NEK3: variants seen among roughly 807,000 people sequenced by gnomAD.
NEK3 encodes the protein NIMA related kinase 3.
Under a neutral mutation model 66.0 loss-of-function variants are expected in NEK3, and 54 were observed. The ratio of observed to expected loss-of-function variants is 0.82; its 90% CI spans 0.66 to 1.03. NEK3 has a LOEUF of 1.03. Among genes scored for constraint, NEK3 ranks in the 50% least tolerant of loss-of-function variants. The pLI is 0.00. For missense variants in NEK3, 593 were observed against 603.0 expected (o/e 0.98, Z 0.17); for synonymous variants, 200 against 206.2 (o/e 0.97, Z 0.26).
At chr13:52,149,485 T>C (rs1222199303) in intron 7 of NEK3, among the ~76,000 whole-genome samples, 2 of 152,212 alleles carry the variant, frequency 1.3e-5, no homozygotes, top group Non-Finnish European at 2.9e-5. Flanking sequence ...AGTTGCAATG[T>C]CCACATGCCC....
Position 52,153,883 on chromosome 13 carries a change from T to C in NEK3, c.309+12A>G. ...TAAACCTTGAGAGAAACTATGTAAG[T>C]CAATCTCTTACCATGTCTTCAGGAA... On this transcript the variant is annotated intron_variant, in intron 4 of 15. Coordinates refer to ENST00000610828, the MANE Select transcript of NEK3 (RefSeq NM_002498.3). 6.4e-7 allele frequency: 1 copy of C among 1,564,366 alleles called. No individual in the cohort carries two copies. The highest frequency in any genetic ancestry group is 1.1e-5 in the South Asian group (1 of 89,922).
chr13:52,142,932 T>C (rs1956263378), intron 10 of NEK3, among the ~76,000 whole-genome samples: 1 of 152,222 alleles, frequency 6.6e-6, no homozygotes, highest in Non-Finnish European at 1.5e-5. Flanking sequence ...AAATTAAATT[T>C]GATATTTTCT....
intron 2 of NEK3, among the ~76,000 whole-genome samples, chr13:52,155,699 CAG>C (rs56314690): frequency 0.45 from 67,977 of 151,914 alleles, 17,902 homozygotes; most frequent in Non-Finnish European, 0.59. Flanking sequence ...TTTTTTGAGA[CAG>C]AGTCTTATTT....
At position 52,159,579 on chromosome 13, in the gene NEK3, G is replaced by C. The variant is rs1420425726; in HGVS notation, c.-94C>G. The C allele has an allele frequency of 6.6e-6, 1 of 152,392 alleles. No individual in the cohort carries two copies. The highest frequency in any genetic ancestry group is 3.4e-3 in the Middle Eastern group (1 of 294). The allele number at this position is 152,392 out of a possible 1,614,324, so 9.4% of individuals were successfully genotyped here. A position where few individuals can be genotyped will look rare whatever the true frequency, so the allele number is the denominator to read the frequency against. ...GCGACCCTAGTCCACTCCTTGGCCT[G>C]GCAACCGGCGGCTTCCGCGGGGCGG... On this transcript the variant is annotated 5_prime_UTR_variant, in exon 1 of 16. Transcript: ENST00000610828.
In NEK3 at chr13:52,151,217, A is replaced by G. The variant is rs1411367417; in HGVS notation, c.477T>C (p.Ala159=). 1 of 1,609,636 alleles carries G rather than the reference A, an allele frequency of 6.2e-7. No homozygotes were observed. Among genetic ancestry groups the G allele is most frequent in the Admixed American group, 1.7e-5 (1 of 59,366 alleles). The change falls in exon 7 of 16, where the codon GCT becomes GCC. Residue 159 remains alanine (A), a synonymous_variant. Transcript: ENST00000610828. ...ARLLSNPMAF[A]CTYVGTPYYV... ...AATAAGGAGTTCCCACATAGGTACA[A>G]GCAAATGCCATCGGACTAAAACCAT...
In NEK3 at chr13:52,136,860, C is replaced by G. The variant is rs749129379; in HGVS notation, c.970G>C (p.Glu324Gln). 6.3e-7 allele frequency: 1 copy of G among 1,574,930 alleles called. No individual in the cohort carries two copies. The highest frequency in any genetic ancestry group is 8.6e-7 in the Non-Finnish European group (1 of 1,158,786). The change falls in exon 12 of 16, where the codon GAA becomes CAA. Residue 324 changes from glutamate to glutamine, a missense_variant. Physicochemically the swap from Glu to Gln is conservative, Grantham distance 29. Coordinates refer to ENST00000610828, the MANE Select transcript of NEK3 (RefSeq NM_002498.3). ...TCAACTAAATTTTCATTAATGCTTT[C>G]CAAATCAGTATGGCTACCCTTTCTA... Reference protein sequence around the residue: ...QDRKGSHTDLESINENLVESA... With the variant: ...QDRKGSHTDLQSINENLVESA...
chr13:52,152,653 G>A lies in NEK3; in HGVS notation c.349C>T (p.His117Tyr), dbSNP rs769095719. ...WFTQMCLGVNHIHKKRVLHRD... is the reference protein window; with the variant it reads ...WFTQMCLGVNYIHKKRVLHRD... ...TGTAGCACACGTTTCTTGTGAATGT[G>A]ATTTACTCCAAGGCACATTTGGGTA... The change falls in exon 5 of 16, where the codon CAC becomes TAC. Residue 117 changes from histidine to tyrosine, a missense_variant. His to Tyr is a moderately conservative substitution (Grantham distance 83). Transcript: ENST00000610828. The A allele has an allele frequency of 6.2e-7, 1 of 1,610,680 alleles. No individual in the cohort carries two copies. Among genetic ancestry groups the A allele is most frequent in the African/African-American group, 1.3e-5 (1 of 74,632 alleles).
chr13:52,157,315 T>G, intron 1 of NEK3: 1 of 150,854 alleles, frequency 6.6e-6, no homozygotes, highest in Non-Finnish European at 1.5e-5. Context: ...TGGAATAGAG[T>G]GGAGGCAATG....
intron 1 of NEK3, chr13:52,157,520 T>G (rs1956405561): frequency 6.6e-6 from 1 of 152,286 alleles, no homozygotes; most frequent in Admixed American, 6.5e-5. Flanking sequence ...GTGTGATTTT[T>G]CTGGAAGTGG....
Position 52,152,689 on chromosome 13 carries a change from G to A in NEK3, c.313C>T (p.Leu105Phe). ...KGKLFPEDMI[L>F]NWFTQMCLGV... ...AGGCACATTTGGGTAAACCAATTAA[G>A]TATCTGTAAGAAAAAGGTATGCAAA... The change falls in exon 5 of 16, where the codon CTT (leucine) becomes TTT (phenylalanine). Residue 105 changes from leucine to phenylalanine, a missense_variant. Transcript: ENST00000610828. 1 of 1,604,948 alleles carries A rather than the reference G, an allele frequency of 6.2e-7. No homozygotes were observed. The highest frequency in any genetic ancestry group is 8.5e-7 in the Non-Finnish European group (1 of 1,173,962).
At chr13:52,137,926 G>A (rs1053539908) in intron 11 of NEK3, among the ~76,000 whole-genome samples, 1 of 152,106 alleles carries the variant, frequency 6.6e-6, no homozygotes, top group Non-Finnish European at 1.5e-5. Flanking sequence ...TTCATTTTGC[G>A]AACACATATT....
At chr13:52,158,515 T>C (rs1366865803) in intron 1 of NEK3, among the ~76,000 whole-genome samples, 3 of 152,236 alleles carry the variant, frequency 2.0e-5, no homozygotes, top group Admixed American at 6.5e-5. Flanking sequence ...TTATTCTTCG[T>C]TTCTTCGGGG....
chr13:52,133,807 C>A lies in NEK3; in HGVS notation c.1318G>T (p.Gly440Trp). ...TCAGACAGGGGGCCTTTCAAGAACC[C>A]TTCTGAACCTTCAGGAGATATTAAC... ...TYTIYRPGSE[G>W]FLKGPLSEET... Residue 440 changes from glycine (G) to tryptophan (W), a missense_variant, in exon 15 of 16, where the codon GGG (glycine) becomes TGG (tryptophan). By Grantham distance (184) the Gly-to-Trp change is radical. Transcript: ENST00000610828. 6.3e-7 allele frequency: 1 copy of A among 1,598,612 alleles called. No individual in the cohort carries two copies. Among genetic ancestry groups the A allele is most frequent in the Non-Finnish European group, 8.5e-7 (1 of 1,171,938 alleles).
At chr13:52,150,602 G>T (rs1242043996) in intron 7 of NEK3, among the ~76,000 whole-genome samples, 1 of 152,068 alleles carries the variant, frequency 6.6e-6, no homozygotes, top group Non-Finnish European at 1.5e-5. Context: ...CTTATATTCA[G>T]AAAAAATACT....
rs533489840 is a variant in NEK3, at chr13:52,156,476, T to A, written c.-57-228A>T. On this transcript the variant is annotated intron_variant, in intron 1 of 15. Transcript: ENST00000610828. ...TTGTATAAATGCAGGGCATAAATTT[T>A]CCTATGTACAGGTAATAAATATCCA... 136 of 273,896 alleles carry A rather than the reference T, an allele frequency of 5.0e-4. 1 individual carries two copies. In the South Asian group the frequency reaches 6.0e-3, roughly 12 times the overall value. 17.0% of individuals were successfully genotyped at this position (273,896 alleles called of 1,614,324 possible).
chr13:52,140,819 AT>A (rs972507069), intron 11 of NEK3, among the ~76,000 whole-genome samples, 200 bp downstream of exon 11: 3 of 149,172 alleles, frequency 2.0e-5, no homozygotes, highest in Non-Finnish European at 4.5e-5. Flanking sequence ...TCATAAACGT[AT>A]TTTTTTTCTT....
At position 52,152,684 on chromosome 13, in the gene NEK3, A is replaced by G. The variant is rs1956357947; in HGVS notation, c.318T>C (p.Asn106=). The change falls in exon 5 of 16, where the codon AAT becomes AAC. Residue 106 remains asparagine, a synonymous_variant. Transcript: ENST00000610828. ...GKLFPEDMIL[N]WFTQMCLGVN... ...CTCCAAGGCACATTTGGGTAAACCA[A>G]TTAAGTATCTGTAAGAAAAAGGTAT... is the stretch of plus-strand genomic sequence containing the variant. The G allele has an allele frequency of 1.2e-6, 2 of 1,608,556 alleles. No homozygotes were observed. Among genetic ancestry groups the G allele is most frequent in the African/African-American group, 1.3e-5 (1 of 74,706 alleles).
rs1183496389 is a variant in NEK3, at chr13:52,151,215, C to T, written c.479G>A (p.Cys160Tyr). The change falls in exon 7 of 16, where the codon TGT becomes TAT. Residue 160 changes from cysteine to tyrosine, a missense_variant. Physicochemically the swap from Cys to Tyr is radical, Grantham distance 194 (BLOSUM62 -2). Coordinates refer to ENST00000610828, the MANE Select transcript of NEK3 (RefSeq NM_002498.3). ...ATAATAAGGAGTTCCCACATAGGTACAAGCAAATGCCATCGGACTAAAACC... is the reference window on the plus strand; with the variant it reads ...ATAATAAGGAGTTCCCACATAGGTATAAGCAAATGCCATCGGACTAAAACC... ...RLLSNPMAFA[C>Y]TYVGTPYYVP... 2 of 1,609,680 alleles carry T rather than the reference C, an allele frequency of 1.2e-6. No homozygotes were observed. Among genetic ancestry groups the T allele is most frequent in the South Asian group, 2.2e-5 (2 of 89,774 alleles).
Position 52,140,985 on chromosome 13 carries a change from G to A in NEK3, c.927+35C>T, listed in dbSNP as rs150085651. On this transcript the variant is annotated intron_variant, in intron 11 of 15. Transcript: ENST00000610828. ...TTGCACCACCACGCCCGGCCACCGC[G>A]CCCGGCCTCATAAAAGTAATTTTAA... The A allele has an allele frequency of 6.6e-4, 1,022 of 1,542,204 alleles. 6 individuals carry two copies. The African/African-American group carries it at 0.013, about 19-fold the overall frequency.
Sources: allele counts gnomAD v4.1 joint callset (sites outside exome capture counted in the v4.1 genomes callset), GRCh38; gene constraint gnomAD v4.1.1; transcripts MANE v1.5; gene names NCBI Gene and HGNC (gene_info 2026-07-23, HGNC 2026-07-21).